Variants in PLXNA4 observed in about 807,000 individuals in gnomAD.
PLXNA4 encodes plexin A4, also known as plexin-A4.
In PLXNA4, 44 loss-of-function variants were observed where a neutral mutation model predicts 191.8. The ratio of observed to expected loss-of-function variants is 0.23; its 90% CI spans 0.18 to 0.29. PLXNA4 has a LOEUF of 0.29. Ranked by LOEUF, PLXNA4 falls within the 10% of genes least tolerant of loss-of-function variation. The pLI is 1.00. For synonymous variants in PLXNA4, 1,082 were observed against 1,009.5 expected, an observed-to-expected ratio of 1.07 and a Z score of -1.36; for missense variants, 1,800 against 2,488.8, an observed-to-expected ratio of 0.72 and a Z score of 5.89.
At chr7:132,294,752 G>A (rs1050812209) in intron 4 of PLXNA4, among the ~76,000 whole-genome samples, 3 of 152,194 alleles carry the variant, frequency 2.0e-5, no homozygotes, top group Admixed American at 6.5e-5. Context: ...ATGTTAAAAT[G>A]AGGCTGATAG....
rs78765869 is a variant in PLXNA4 at position 132,482,345 on chromosome 7, C to T, written c.1371+6947G>A. Among the ~76,000 whole-genome samples the T allele has an allele frequency of 7.4e-3, 1,125 of 152,336 alleles. 20 individuals carry two copies. The highest frequency in any genetic ancestry group is 0.026 in the African/African-American group (1,095 of 41,572). Reference sequence around the variant, plus strand: ...TCTAGAGAAGCCTGCTGCTGCACTCCTTGTTGTGCACGTGGCCTCATGGAG... The same window carrying T: ...TCTAGAGAAGCCTGCTGCTGCACTCTTTGTTGTGCACGTGGCCTCATGGAG... On this transcript the variant is annotated intron_variant, in intron 3 of 31. Transcript: ENST00000321063.
chr7:132,131,921 G>T (rs768988411), intron 31 of PLXNA4, among the ~76,000 whole-genome samples: 2 of 152,208 alleles, frequency 1.3e-5, no homozygotes, highest in Non-Finnish European at 2.9e-5. Flanking sequence ...CCAGGCCTTG[G>T]GCCTGCTGGG....
chr7:132,363,275 G>T (rs1393230299), intron 3 of PLXNA4, among the ~76,000 whole-genome samples: 1 of 152,186 alleles, frequency 6.6e-6, no homozygotes, highest in Non-Finnish European at 1.5e-5. Flanking sequence ...ATGAGCCACC[G>T]CACCCAGTCC....
intron 1 of PLXNA4, among the ~76,000 whole-genome samples, chr7:132,530,041 G>C (rs1459023162): frequency 6.6e-6 from 1 of 152,134 alleles, no homozygotes; most frequent in African/African-American, 2.4e-5. Flanking sequence ...GGCCCTTGGG[G>C]TCTGATCTCT....
At chr7:132,529,668 C>T (rs528220340) in intron 1 of PLXNA4, among the ~76,000 whole-genome samples, 99 of 147,620 alleles carry the variant, frequency 6.7e-4, no homozygotes, top group Non-Finnish European at 1.2e-3. Context: ...TGCAGTGGTG[C>T]GATCTCGGCT....
At position 132,198,131 on chromosome 7, in the gene PLXNA4, G is replaced by T. The variant is rs564027446; in HGVS notation, c.2738+354C>A. 2.6e-5 allele frequency among the ~76,000 whole-genome samples: 4 copies of T among 152,282 alleles called. No individual in the cohort carries two copies. In the East Asian group the frequency reaches 5.8e-4, roughly 22 times the overall value. ...GTAGCACAGGATCAGTGCTGGGGGG[G>T]ATGTGAGCGGGAAGTTGAGGACAGC... On this transcript the variant is annotated intron_variant, in intron 13 of 31. Transcript: ENST00000321063.
intron 3 of PLXNA4, among the ~76,000 whole-genome samples, chr7:132,389,076 A>T (rs1210975480): frequency 6.6e-6 from 1 of 152,210 alleles, no homozygotes; most frequent in African/African-American, 2.4e-5. Context: ...TCTTTTGAGA[A>T]GTATCTGTTC....
chr7:132,517,920 A>G (rs1799003665), intron 1 of PLXNA4, among the ~76,000 whole-genome samples: 1 of 152,218 alleles, frequency 6.6e-6, no homozygotes, highest in South Asian at 2.1e-4. Flanking sequence ...TGCTATTTGT[A>G]GATTTCTACT....
At chr7:132,275,003 C>A (rs555120361) in intron 4 of PLXNA4, among the ~76,000 whole-genome samples, 1 of 151,968 alleles carries the variant, frequency 6.6e-6, no homozygotes, top group Non-Finnish European at 1.5e-5. Context: ...TGCTAGGTTT[C>A]TACACTATAA....
At chr7:132,281,113 A>C (rs1019501539) in intron 4 of PLXNA4, among the ~76,000 whole-genome samples, 2 of 152,192 alleles carry the variant, frequency 1.3e-5, no homozygotes, top group Non-Finnish European at 2.9e-5. Flanking sequence ...GGTAAGAGTG[A>C]TGTGCTAGAA....
intron 15 of PLXNA4, among the ~76,000 whole-genome samples, chr7:132,187,179 C>T (rs1796906737): frequency 6.6e-6 from 1 of 152,120 alleles, no homozygotes; most frequent in Non-Finnish European, 1.5e-5. Flanking sequence ...CCCTAACCCC[C>T]CGCCTGCCAA....
At chr7:132,237,841 C>T (rs151071716) in intron 5 of PLXNA4, among the ~76,000 whole-genome samples, 134 of 152,238 alleles carry the variant, frequency 8.8e-4, no homozygotes, top group African/African-American at 3.1e-3. Flanking sequence ...TAACTGCTAA[C>T]GTTTATTTGT....
intron 3 of PLXNA4, among the ~76,000 whole-genome samples, chr7:132,427,545 T>G (rs917066567): frequency 5.9e-5 from 9 of 152,310 alleles, no homozygotes; most frequent in Middle Eastern, 3.4e-3. Flanking sequence ...CCTAAAAGAA[T>G]TGAACCTGGG....
rs1491174489 is a variant in PLXNA4, at chr7:132,246,798, CAT to C, written c.1504-5634_1504-5633del. 3.3e-5 allele frequency among the ~76,000 whole-genome samples: 5 copies of C among 151,614 alleles called. No individual in the cohort carries two copies. In the East Asian group the frequency reaches 6.0e-4, roughly 18 times the overall value. On this transcript the variant is annotated intron_variant, in intron 4 of 31. Coordinates refer to ENST00000321063, the MANE Select transcript of PLXNA4 (RefSeq NM_020911.2). ...TCATCATCATCATCATCATCATCAT[CAT>C]CATCATCCTCATCATCATCCTCATC...
chr7:132,636,264 G>A (rs1803603651), intron 2 of PLXNA4, among the ~76,000 whole-genome samples: 1 of 152,196 alleles, frequency 6.6e-6, no homozygotes, highest in Admixed American at 6.5e-5. Context: ...GGGAGTGCAG[G>A]GGCCTAGGAA....
chr7:132,593,042 A>G (rs1050077250), intron 2 of PLXNA4, among the ~76,000 whole-genome samples: 1 of 152,226 alleles, frequency 6.6e-6, no homozygotes, highest in Non-Finnish European at 1.5e-5. Context: ...GACACAAATG[A>G]CAGGGTGGCA....
rs780352420 is a variant in PLXNA4 at position 132,179,844 on chromosome 7, G to A, written c.3717C>T (p.Ile1239=). The change falls in exon 20 of 32, where the codon ATC becomes ATT. Residue 1239 remains isoleucine (I), a synonymous_variant. Transcript: ENST00000321063. The stretch of plus-strand genomic sequence containing the variant: ...GGCCGCCAGCCACTGCGATGCTGAC[G>A]ATGGCGGGCAGGCTGAGCGGGCTGT... ...APDSPLSLPA[I]VSIAVAGGLL... 26 of 1,613,456 alleles carry A rather than the reference G, an allele frequency of 1.6e-5. No individual in the cohort carries two copies. The highest frequency in any genetic ancestry group is 3.3e-5 in the Admixed American group (2 of 59,986).
chr7:132,178,713 TACACACAC>T (rs56218462), intron 20 of PLXNA4, among the ~76,000 whole-genome samples: 1 of 112,080 alleles, frequency 8.9e-6, no homozygotes, highest in Non-Finnish European at 1.8e-5. Flanking sequence ...CACATACACA[TACACACAC>T]ACACACACAC....
Position 132,241,183 on chromosome 7 carries a change from G to A in PLXNA4, c.1504-17C>T, listed in dbSNP as rs147546296. On this transcript the variant is annotated splice_polypyrimidine_tract_variant and intron_variant, in intron 4 of 31. Coordinates refer to ENST00000321063, the MANE Select transcript of PLXNA4 (RefSeq NM_020911.2). ...TCTGGTGAGCTAGGACAGCAGGATAGGGAGAAGGTGGTCAAGATTTTGCAG... is the reference window on the plus strand; with the variant it reads ...TCTGGTGAGCTAGGACAGCAGGATAAGGAGAAGGTGGTCAAGATTTTGCAG... 2.2e-4 allele frequency: 348 copies of A among 1,590,980 alleles called. 5 individuals are homozygous for A. In the East Asian group the frequency reaches 7.7e-3, roughly 35 times the overall value.
Sources: gnomAD v4.1 joint callset for allele counts (sites outside exome capture counted in the v4.1 genomes callset) on GRCh38, gnomAD v4.1.1 for gene constraint, MANE v1.5 for transcripts, NCBI Gene and HGNC (gene_info 2026-07-23, HGNC 2026-07-21) for gene names.